Variants in SEMA5A observed in about 807,000 individuals in gnomAD.
The protein encoded by SEMA5A is semaphorin 5A, also known as semaphorin-5A.
A neutral mutation model predicts 135.5 loss-of-function variants in SEMA5A; 55 were observed. The observed-to-expected ratio is 0.41, with a 90% confidence interval of 0.33 to 0.51. SEMA5A has a LOEUF of 0.51. Among genes scored for constraint, SEMA5A ranks in the 20% least tolerant of loss-of-function variants. The pLI, the probability that SEMA5A is intolerant of heterozygous loss-of-function variation, is 0.37. For missense variants in SEMA5A, 1,290 were observed against 1,419.9 expected (o/e 0.91, Z 1.47); for synonymous variants, 580 against 546.5 (o/e 1.06, Z -0.85).
intron 7 of SEMA5A, among the ~76,000 whole-genome samples, chr5:9,226,368 C>T (rs141975546): frequency 5.9e-5 from 9 of 152,292 alleles, no homozygotes; most frequent in African/African-American, 1.9e-4. Context: ...AGGTTAAAGA[C>T]AAGAAAGAGG....
At chr5:9,521,102 C>T (rs1354211564) in intron 1 of SEMA5A, among the ~76,000 whole-genome samples, 1 of 152,214 alleles carries the variant, frequency 6.6e-6, no homozygotes, top group Non-Finnish European at 1.5e-5. Flanking sequence ...TTCTGGGCAT[C>T]TAAGACTATT....
chr5:9,286,992 C>T (rs1418680295), intron 5 of SEMA5A, among the ~76,000 whole-genome samples: 5 of 152,128 alleles, frequency 3.3e-5, no homozygotes, highest in African/African-American at 7.2e-5. Context: ...AAATGCTGTC[C>T]GTCACTGTTT....
Position 9,208,257 on chromosome 5 carries a change from G to A in SEMA5A, c.647-6017C>T, listed in dbSNP as rs116611811. Reference sequence around the variant, plus strand: ...AGATAACTCATTGAGTATGCATTCCGTATATCAAATTAAGATCTACACTTA... The same window carrying A: ...AGATAACTCATTGAGTATGCATTCCATATATCAAATTAAGATCTACACTTA... On this transcript the variant is annotated intron_variant, in intron 8 of 22. Coordinates refer to ENST00000382496, the MANE Select transcript of SEMA5A (RefSeq NM_003966.3). Among the ~76,000 whole-genome samples, 994 of 129,010 alleles carry A rather than the reference G, an allele frequency of 7.7e-3. 3 individuals are homozygous for A. Among genetic ancestry groups the A allele is most frequent in the African/African-American group, 0.028 (954 of 34,494 alleles). The allele number at this position is 129,010 out of a possible 152,430, so 84.6% of individuals were successfully genotyped here. A position where few individuals can be genotyped will look rare whatever the true frequency, so the allele number is the denominator to read the frequency against.
At chr5:9,443,337 AG>A (rs1489659626) in intron 1 of SEMA5A, among the ~76,000 whole-genome samples, 1 of 152,158 alleles carries the variant, frequency 6.6e-6, no homozygotes, top group African/African-American at 2.4e-5. Flanking sequence ...GGAAGAAAGC[AG>A]AGAGAGGGGA....
At chr5:9,255,627 C>T (rs1458909735) in intron 5 of SEMA5A, among the ~76,000 whole-genome samples, 1 of 152,200 alleles carries the variant, frequency 6.6e-6, no homozygotes, top group Non-Finnish European at 1.5e-5. Context: ...CCTTCTCAGT[C>T]TCCTTTAGCA....
chr5:9,151,734 C>G (rs555313769), intron 12 of SEMA5A, among the ~76,000 whole-genome samples: 6 of 152,296 alleles, frequency 3.9e-5, no homozygotes, highest in African/African-American at 1.2e-4. Context: ...CAAAAACTAA[C>G]CCCCTCTGAG....
At chr5:9,292,442 G>A (rs1751131525) in intron 5 of SEMA5A, among the ~76,000 whole-genome samples, 1 of 152,158 alleles carries the variant, frequency 6.6e-6, no homozygotes, top group South Asian at 2.1e-4. Context: ...CACCCAGTAA[G>A]TTGAGGCAGT....
At chr5:9,515,370 T>C (rs1378645236) in intron 1 of SEMA5A, among the ~76,000 whole-genome samples, 2 of 152,224 alleles carry the variant, frequency 1.3e-5, no homozygotes, top group Non-Finnish European at 2.9e-5. Context: ...GGACCATCTC[T>C]AGTTCGTCAT....
chr5:9,346,685 T>C (rs1000958468), intron 3 of SEMA5A, among the ~76,000 whole-genome samples: 1 of 152,186 alleles, frequency 6.6e-6, no homozygotes, highest in Admixed American at 6.5e-5. Context: ...CCCCTGCTAG[T>C]GCCAAAGTGG....
At chr5:9,046,958 T>C (rs1170525940) in intron 21 of SEMA5A, among the ~76,000 whole-genome samples, 2 of 152,176 alleles carry the variant, frequency 1.3e-5, no homozygotes, top group East Asian at 1.9e-4. Flanking sequence ...GCTTAGTTGG[T>C]CAATGGTTTC....
At chr5:9,512,639 G>C (rs558565325) in intron 1 of SEMA5A, among the ~76,000 whole-genome samples, 7 of 152,228 alleles carry the variant, frequency 4.6e-5, no homozygotes, top group African/African-American at 1.7e-4. Flanking sequence ...GCACGGTGTT[G>C]AGTATTCTGG....
Position 9,439,125 on chromosome 5 carries a change from A to G in SEMA5A, c.-174-1273T>C, listed in dbSNP as rs539876331. Reference sequence around the variant, plus strand: ...TATCGTGCAGCACGGCCAATCCTCCAGTCCCAGCAGAGTCCTCAAAAGTCC... The same window carrying G: ...TATCGTGCAGCACGGCCAATCCTCCGGTCCCAGCAGAGTCCTCAAAAGTCC... On this transcript the variant is annotated intron_variant, in intron 1 of 22. Coordinates refer to ENST00000382496, the MANE Select transcript of SEMA5A (RefSeq NM_003966.3). 5.9e-5 allele frequency among the ~76,000 whole-genome samples: 9 copies of G among 152,294 alleles called. No homozygotes were observed. The East Asian group carries it at 1.7e-3, about 29-fold the overall frequency.
At chr5:9,095,879 C>T (rs1219136561) in intron 16 of SEMA5A, among the ~76,000 whole-genome samples, 1 of 152,194 alleles carries the variant, frequency 6.6e-6, no homozygotes, top group Non-Finnish European at 1.5e-5. Context: ...TTTGTATAAA[C>T]ATGTGAACTG....
intron 5 of SEMA5A, among the ~76,000 whole-genome samples, chr5:9,264,691 C>G (rs1163533400): frequency 6.6e-6 from 1 of 152,106 alleles, no homozygotes; most frequent in African/African-American, 2.4e-5. Flanking sequence ...GGTTAATGTT[C>G]AGTTTGCCCT....
chr5:9,127,055 G>C (rs1741154856), intron 13 of SEMA5A, among the ~76,000 whole-genome samples: 1 of 152,178 alleles, frequency 6.6e-6, no homozygotes, highest in Non-Finnish European at 1.5e-5. Context: ...AGTTTTCCTT[G>C]CCTCAAAATT....
At chr5:9,264,276 A>T (rs1805943) in intron 5 of SEMA5A, among the ~76,000 whole-genome samples, 4,253 of 152,258 alleles carry the variant, frequency 0.028, 154 homozygotes, top group African/African-American at 0.073. Context: ...GAATAAAGAC[A>T]GAAAAAAGCA....
In SEMA5A at chr5:9,425,008, GC is replaced by G. The variant is rs986474841; in HGVS notation, c.-78+12747del. On this transcript the variant is annotated intron_variant, in intron 2 of 22. Transcript: ENST00000382496. ...CGTAAATAACTCATATCCCACCACTGCTTCTCCAAAGGGTTCCCAATGCCCC... is the reference window on the plus strand; with the variant it reads ...CGTAAATAACTCATATCCCACCACTGTTCTCCAAAGGGTTCCCAATGCCCC... Among the ~76,000 whole-genome samples the G allele has an allele frequency of 5.3e-5, 8 of 152,270 alleles. No homozygotes were observed. The East Asian group carries it at 1.5e-3, about 29-fold the overall frequency.
chr5:9,251,016 G>A (rs1227895989), intron 5 of SEMA5A, among the ~76,000 whole-genome samples: 1 of 152,140 alleles, frequency 6.6e-6, no homozygotes, highest in Non-Finnish European at 1.5e-5. Context: ...GACCTTTAGG[G>A]GACAACTAGG....
At chr5:9,328,598 G>A (rs1441854330) in intron 4 of SEMA5A, among the ~76,000 whole-genome samples, 3 of 152,116 alleles carry the variant, frequency 2.0e-5, no homozygotes, top group Middle Eastern at 3.2e-3. Flanking sequence ...GGCCAACATA[G>A]TAAAACCCTG....
Sources: gnomAD v4.1 joint callset for allele counts (sites outside exome capture counted in the v4.1 genomes callset) on GRCh38, gnomAD v4.1.1 for gene constraint, MANE v1.5 for transcripts, NCBI Gene and HGNC (gene_info 2026-07-23, HGNC 2026-07-21) for gene names.